Variants in DOCK1 observed in about 807,000 individuals in gnomAD.
The protein encoded by DOCK1 is dedicator of cytokinesis 1, also known as dedicator of cytokinesis protein 1.
A neutral mutation model predicts 262.7 loss-of-function variants in DOCK1; 138 were observed. The ratio of observed to expected loss-of-function variants is 0.53; its 90% CI spans 0.46 to 0.61. The LOEUF (loss-of-function observed/expected upper bound fraction) is 0.61, where lower values mean the gene tolerates loss of function less well. Among genes scored for constraint, DOCK1 ranks in the 20% least tolerant of loss-of-function variants. The pLI is 0.00. For missense variants in DOCK1, 1,908 were observed against 2,370.7 expected (o/e 0.80, Z 4.05); for synonymous variants, 866 against 867.4 (o/e 1.00, Z 0.03).
intron 20 of DOCK1, 75 bp from the exon 21 acceptor site, chr10:127,042,989 C>G: frequency 5.1e-6 from 6 of 1,165,714 alleles, no homozygotes; most frequent in Non-Finnish European, 7.4e-6. Flanking sequence ...CACAGGGGTG[C>G]AGATGGTTCT....
intron 32 of DOCK1, among the ~76,000 whole-genome samples, chr10:127,358,562 C>A (rs1344820339): frequency 6.6e-6 from 1 of 152,184 alleles, no homozygotes; most frequent in Admixed American, 6.5e-5. Flanking sequence ...GAGCACTAGA[C>A]CCCAGCCAGC....
intron 29 of DOCK1, among the ~76,000 whole-genome samples, chr10:127,298,725 T>C (rs2061583409): frequency 6.6e-6 from 1 of 152,212 alleles, no homozygotes; most frequent in Non-Finnish European, 1.5e-5. Flanking sequence ...AGCAAACTTG[T>C]CGGGGTTTAT....
intron 29 of DOCK1, among the ~76,000 whole-genome samples, chr10:127,277,272 C>A (rs907243258): frequency 2.0e-5 from 3 of 152,164 alleles, no homozygotes; most frequent in Admixed American, 6.5e-5. Context: ...GATGAGGCAG[C>A]AGATCATTAA....
At chr10:127,188,927 G>C (rs1179642186) in intron 27 of DOCK1, among the ~76,000 whole-genome samples, 1 of 152,232 alleles carries the variant, frequency 6.6e-6, no homozygotes, top group Non-Finnish European at 1.5e-5. Flanking sequence ...GCAGAGCCAG[G>C]AGGGCAAAGG....
At chr10:127,007,131 T>C (rs1019426842) in intron 10 of DOCK1, among the ~76,000 whole-genome samples, 4 of 152,108 alleles carry the variant, frequency 2.6e-5, no homozygotes, top group African/African-American at 9.7e-5. Flanking sequence ...TGTTGCAAGT[T>C]ATTTGGGATT....
At chr10:127,034,466 G>A (rs564972980) in intron 18 of DOCK1, among the ~76,000 whole-genome samples, 1 of 152,272 alleles carries the variant, frequency 6.6e-6, no homozygotes, top group South Asian at 2.1e-4. Context: ...TTCAAGATAA[G>A]ATCTGGGTGT....
At chr10:127,065,866 G>T (rs530382637) in intron 23 of DOCK1, among the ~76,000 whole-genome samples, 1 of 149,650 alleles carries the variant, frequency 6.7e-6, no homozygotes, top group Admixed American at 6.7e-5. Context: ...AAAAAAAAAT[G>T]ATAAAAGAAA....
At chr10:127,213,876 GTCGCCC>G (rs1296261854) in intron 27 of DOCK1, among the ~76,000 whole-genome samples, 2 of 152,126 alleles carry the variant, frequency 1.3e-5, no homozygotes, top group African/African-American at 4.8e-5. Context: ...GTCTTGCTCT[GTCGCCC>G]AGGCTGGAGT....
intron 22 of DOCK1, among the ~76,000 whole-genome samples, chr10:127,054,197 A>C (rs2044971018): frequency 6.6e-6 from 1 of 152,226 alleles, no homozygotes; most frequent in Non-Finnish European, 1.5e-5. Flanking sequence ...TCAAAATCTA[A>C]CCATGTGTCT....
intron 32 of DOCK1, among the ~76,000 whole-genome samples, chr10:127,361,433 A>T (rs1180279029): frequency 2.6e-5 from 4 of 152,180 alleles, no homozygotes; most frequent in African/African-American, 4.8e-5. Context: ...TATTTAAATA[A>T]GCATTTTCCT....
In DOCK1 at chr10:127,211,010, T is replaced by G. The variant is rs182187604; in HGVS notation, c.2848-36998T>G. ...ATTATTTTATTGTCTTTGTTTTATTTAGAACACTTTATATCCACCCTTTTC... is the reference window on the plus strand; with the variant it reads ...ATTATTTTATTGTCTTTGTTTTATTGAGAACACTTTATATCCACCCTTTTC... On this transcript the variant is annotated intron_variant, in intron 27 of 51. Transcript: ENST00000623213. 1.5e-3 allele frequency among the ~76,000 whole-genome samples: 235 copies of G among 152,342 alleles called. 1 individual carries two copies. Among genetic ancestry groups the G allele is most frequent in the African/African-American group, 5.5e-3 (227 of 41,576 alleles).
chr10:127,191,737 T>C (rs557918073), intron 27 of DOCK1, among the ~76,000 whole-genome samples: 2 of 152,220 alleles, frequency 1.3e-5, no homozygotes, highest in Non-Finnish European at 2.9e-5. Flanking sequence ...AGCCCCATGC[T>C]GCTTCCTCAA....
At chr10:126,985,069 C>T (rs2039279746) in intron 4 of DOCK1, among the ~76,000 whole-genome samples, 1 of 150,904 alleles carries the variant, frequency 6.6e-6, no homozygotes, top group Non-Finnish European at 1.5e-5. Flanking sequence ...CAACCTCTGC[C>T]TCCTGCGTTC....
intron 2 of DOCK1, among the ~76,000 whole-genome samples, chr10:126,971,632 G>A (rs1030120913): frequency 6.6e-6 from 1 of 152,158 alleles, no homozygotes; most frequent in Non-Finnish European, 1.5e-5. Flanking sequence ...TGCCCAGGCT[G>A]GTCCTGAACT....
intron 30 of DOCK1, among the ~76,000 whole-genome samples, chr10:127,339,515 A>C (rs1039473476): frequency 2.6e-5 from 4 of 152,138 alleles, no homozygotes; most frequent in African/African-American, 9.7e-5. Context: ...GCCTTGTGCT[A>C]CTAGCAGTGG....
Position 127,257,053 on chromosome 10 carries a change from C to A in DOCK1, c.2950-282C>A, listed in dbSNP as rs2059850467. On this transcript the variant is annotated intron_variant, in intron 28 of 51. Coordinates refer to ENST00000623213, the MANE Select transcript of DOCK1 (RefSeq NM_001290223.2). ...CCTAGAAGCAGAAAGGGCTTGAATG[C>A]CTATTCCTAACCTTTGGGGATTTAC... is the stretch of plus-strand genomic sequence containing the variant. 1.3e-5 allele frequency among the ~76,000 whole-genome samples: 2 copies of A among 152,162 alleles called. 1 individual carries two copies. Among genetic ancestry groups the A allele is most frequent in the South Asian group, 4.1e-4 (2 of 4,824 alleles).
At position 127,175,175 on chromosome 10, in the gene DOCK1, C is replaced by G; in HGVS notation, c.2847+47411C>G. Reference sequence around the variant, plus strand: ...ACAGATGGACTCTGTGGTGATCAGCCTGCATAGCTTCCTAAGACATGGGTG... The same window carrying G: ...ACAGATGGACTCTGTGGTGATCAGCGTGCATAGCTTCCTAAGACATGGGTG... On this transcript the variant is annotated intron_variant, in intron 27 of 51. Transcript: ENST00000623213. This position sits in a 1 kb window ranked among gnomAD's most constrained non-coding sequence, Gnocchi z 6.3. The G allele has an allele frequency of 6.5e-7, 1 of 1,544,808 alleles. No homozygotes were observed. The highest frequency in any genetic ancestry group is 8.8e-7 in the Non-Finnish European group (1 of 1,130,756).
rs757823079 is a variant in DOCK1, at chr10:127,450,454, A to C, written c.5566-878A>C. Among the ~76,000 whole-genome samples, 29 of 152,244 alleles carry C rather than the reference A, an allele frequency of 1.9e-4. 1 individual carries two copies. The highest frequency in any genetic ancestry group is 6.7e-4 in the African/African-American group (28 of 41,546). ...CTTACCCTGGTCTGTTCACTTCTTC[A>C]TTCATTTGTTTACTTACCTGTTCAT... On this transcript the variant is annotated intron_variant, in intron 51 of 51. Coordinates refer to ENST00000623213, the MANE Select transcript of DOCK1 (RefSeq NM_001290223.2).
Position 127,362,218 on chromosome 10 carries a change from G to A in DOCK1, c.3432+6G>A, listed in dbSNP as rs753580070. On this transcript the variant is annotated splice_donor_region_variant and intron_variant, in intron 33 of 51. Coordinates refer to ENST00000623213, the MANE Select transcript of DOCK1 (RefSeq NM_001290223.2). The stretch of plus-strand genomic sequence containing the variant: ...CGACCCGAAGCTTCCAAATGGTAAG[G>A]ACGTAGATGTGCAGCGAGTGGCCGG... The A allele has an allele frequency of 1.9e-6, 3 of 1,611,266 alleles. No individual in the cohort carries two copies. In the Admixed American group the frequency reaches 5.0e-5, roughly 27 times the overall value.
Sources: gnomAD v4.1 joint callset for allele counts (sites outside exome capture counted in the v4.1 genomes callset) on GRCh38, gnomAD v4.1.1 for gene constraint, Gnocchi (gnomAD v3.1) non-coding constraint, MANE v1.5 for transcripts, NCBI Gene and HGNC (gene_info 2026-07-23, HGNC 2026-07-21) for gene names.